ETFA: variants seen among roughly 807,000 people sequenced by gnomAD.
The protein encoded by ETFA is electron transfer flavoprotein subunit alpha, also known as electron transfer flavoprotein subunit alpha, mitochondrial.
In ETFA, 22 loss-of-function variants were observed where a neutral mutation model predicts 46.2. That is an observed-to-expected ratio of 0.48 (90% confidence interval 0.34 to 0.68). The LOEUF is 0.68. Among genes scored for constraint, ETFA ranks in the 30% least tolerant of loss-of-function variants. ETFA has a pLI of 0.01. For missense variants in ETFA, 345 were observed against 401.1 expected (o/e 0.86, Z 1.19); for synonymous variants, 131 against 139.9 (o/e 0.94, Z 0.45).
At chr15:76,294,277 C>T (rs2039796827) in intron 2 of ETFA, among the ~76,000 whole-genome samples, 1 of 152,036 alleles carries the variant, frequency 6.6e-6, no homozygotes, top group Non-Finnish European at 1.5e-5. Flanking sequence ...CCTATATATC[C>T]AAAAACAGGG....
At position 76,309,434 on chromosome 15, in the gene ETFA, G is replaced by A. The variant is rs541660876; in HGVS notation, c.39+1916C>T. ...CCACTGCACTCCAGCCTGGGCGACA[G>A]AGCGAGACTCCGTCTCAAAACAAAC... On this transcript the variant is annotated intron_variant, in intron 1 of 11. Transcript: ENST00000557943. 7.2e-5 allele frequency among the ~76,000 whole-genome samples: 11 copies of A among 152,306 alleles called. No homozygotes were observed. The East Asian group carries it at 1.7e-3, about 24-fold the overall frequency.
chr15:76,262,733 C>T (rs947067219), intron 9 of ETFA, among the ~76,000 whole-genome samples: 5 of 152,036 alleles, frequency 3.3e-5, no homozygotes, highest in African/African-American at 1.2e-4. Context: ...CTGCCCACCT[C>T]GGCCTCCCAA....
chr15:76,233,235 C>T (rs1206099433), intron 9 of ETFA, among the ~76,000 whole-genome samples: 1 of 150,550 alleles, frequency 6.6e-6, no homozygotes, highest in African/African-American at 2.4e-5. Flanking sequence ...GAGGCCCTGA[C>T]ATCATACTGT....
rs537577678 is a variant in ETFA at position 76,218,329 on chromosome 15, G to A, written c.964-1732C>T. On this transcript the variant is annotated intron_variant, in intron 11 of 11. Coordinates refer to ENST00000557943, the MANE Select transcript of ETFA (RefSeq NM_000126.4). ...GTTGCCCAGGCTGGAGTGCAATGGC[G>A]CAGTCTCAGCTCACTGCAAGCTCCG... Among the ~76,000 whole-genome samples the A allele has an allele frequency of 2.2e-3, 330 of 152,068 alleles. 1 individual carries two copies. The highest frequency in any genetic ancestry group is 7.5e-3 in the African/African-American group (312 of 41,468).
intron 9 of ETFA, among the ~76,000 whole-genome samples, chr15:76,266,653 C>T (rs2039472999): frequency 6.6e-6 from 1 of 152,138 alleles, no homozygotes; most frequent in Non-Finnish European, 1.5e-5. Context: ...CCTGTAATCC[C>T]AGCACTTTGG....
intron 1 of ETFA, among the ~76,000 whole-genome samples, chr15:76,304,293 G>C (rs931166134): frequency 2.0e-5 from 3 of 152,192 alleles, no homozygotes; most frequent in Non-Finnish European, 2.9e-5. Context: ...CTATTTGAGG[G>C]TGGAGGGTGG....
At chr15:76,222,262 TAAA>T (rs1014639938) in intron 11 of ETFA, among the ~76,000 whole-genome samples, 1 of 148,360 alleles carries the variant, frequency 6.7e-6, no homozygotes, top group Non-Finnish European at 1.5e-5. Flanking sequence ...ATACAAAAAA[TAAA>T]AATAAAATAT....
At chr15:76,241,843 A>AT (rs148112189) in intron 9 of ETFA, among the ~76,000 whole-genome samples, 58,274 of 111,042 alleles carry the variant, frequency 0.52, 16,066 homozygotes, top group Middle Eastern at 0.62. Context: ...TGACTATCAA[A>AT]TTTTTTTTTT....
chr15:76,252,876 TAC>T (rs34804508), intron 9 of ETFA, among the ~76,000 whole-genome samples: 14 of 147,504 alleles, frequency 9.5e-5, no homozygotes, highest in South Asian at 4.3e-4. Flanking sequence ...TGTATGTGTA[TAC>T]ACACACACAC....
chr15:76,225,075 G>A (rs2038991221), intron 11 of ETFA, among the ~76,000 whole-genome samples: 1 of 152,236 alleles, frequency 6.6e-6, no homozygotes, highest in South Asian at 2.1e-4. Flanking sequence ...ACAGCAAGCA[G>A]AGCATTCCTA....
intron 9 of ETFA, among the ~76,000 whole-genome samples, chr15:76,265,075 C>G (rs1596207585): frequency 6.6e-6 from 1 of 152,180 alleles, no homozygotes; most frequent in East Asian, 1.9e-4. Context: ...TACAGCTGTC[C>G]CCCGCCACAG....
At chr15:76,265,301 C>T (rs941792139) in intron 9 of ETFA, among the ~76,000 whole-genome samples, 5 of 152,182 alleles carry the variant, frequency 3.3e-5, no homozygotes, top group Non-Finnish European at 5.9e-5. Context: ...ATTAGTTCCT[C>T]GACTCCGTGG....
At chr15:76,232,782 GGT>G (rs2039082742) in intron 9 of ETFA, among the ~76,000 whole-genome samples, 1 of 152,122 alleles carries the variant, frequency 6.6e-6, no homozygotes. Context: ...CTCCAGCACT[GGT>G]GCTTGTAAAG....
chr15:76,247,459 A>C lies in ETFA; in HGVS notation c.817-16061T>G, dbSNP rs547723423. Among the ~76,000 whole-genome samples the C allele has an allele frequency of 5.3e-5, 8 of 152,276 alleles. No homozygotes were observed. In the South Asian group the frequency reaches 1.0e-3, roughly 20 times the overall value. On this transcript the variant is annotated intron_variant, in intron 9 of 11. Coordinates refer to ENST00000557943, the MANE Select transcript of ETFA (RefSeq NM_000126.4). ...TCAGGAGTGGAGAAAACTGTCCATC[A>C]CTTCTTAGGATCCAATAGTAAGCTC...
chr15:76,284,857 G>A (rs1474889577), intron 7 of ETFA: 11 of 345,208 alleles, frequency 3.2e-5, no homozygotes, highest in Admixed American at 8.3e-5. Flanking sequence ...TTGAACCTGG[G>A]AGGTGGAGGT....
At chr15:76,283,867 A>C in intron 7 of ETFA, 42 bp from the exon 8 acceptor site, 1 of 1,411,664 alleles carries the variant, frequency 7.1e-7, no homozygotes, top group Non-Finnish European at 1.0e-6. Flanking sequence ...GCAAACATCA[A>C]ATACATTCTG....
At chr15:76,283,670 T>G in intron 8 of ETFA, 87 bp downstream of exon 8, 1 of 961,936 alleles carries the variant, frequency 1.0e-6, no homozygotes, top group Non-Finnish European at 1.6e-6. Flanking sequence ...TTTGTAGGGC[T>G]GAAAGACTTA....
intron 6 of ETFA, 36 bp downstream of exon 6, chr15:76,286,335 A>G: frequency 8.0e-7 from 1 of 1,245,136 alleles, no homozygotes; most frequent in Non-Finnish European, 1.2e-6. Flanking sequence ...TAAAAAAGTA[A>G]GAAACAAAAC....
chr15:76,278,358 CTT>C (rs1377655783), intron 8 of ETFA, among the ~76,000 whole-genome samples: 2 of 152,190 alleles, frequency 1.3e-5, no homozygotes, highest in Non-Finnish European at 2.9e-5. Flanking sequence ...CCATTGTCCT[CTT>C]GTTTTTGCCC....
Sources: allele counts gnomAD v4.1 joint callset (sites outside exome capture counted in the v4.1 genomes callset), GRCh38; gene constraint gnomAD v4.1.1; transcripts MANE v1.5; gene names NCBI Gene and HGNC (gene_info 2026-07-23, HGNC 2026-07-21).